The following RAPGEF2 variants were observed in gnomAD, a reference collection of about 807,000 sequenced individuals.
RAPGEF2 encodes Rap guanine nucleotide exchange factor 2.
A neutral mutation model predicts 186.7 loss-of-function variants in RAPGEF2; 54 were observed. That is an observed-to-expected ratio of 0.29 (90% CI 0.23 to 0.36). The LOEUF is 0.36. RAPGEF2 is among the 10% of genes least tolerant of loss of function. The pLI is 1.00. For missense variants in RAPGEF2, 1,532 were observed against 2,045.0 expected (o/e 0.75, Z 4.84); for synonymous variants, 712 against 705.9 (o/e 1.01, Z -0.14).
intron 1 of RAPGEF2, among the ~76,000 whole-genome samples, chr4:159,121,408 C>G (rs1739665895): frequency 6.6e-6 from 1 of 151,822 alleles, no homozygotes; most frequent in Admixed American, 6.6e-5. Flanking sequence ...TGTCTGTTGC[C>G]CAGGCTGGAG....
At position 159,314,771 on chromosome 4, in the gene RAPGEF2, A is replaced by G. The variant is rs745821625; in HGVS notation, c.853+3A>G. The G allele has an allele frequency of 6.3e-7, 1 of 1,576,198 alleles. No homozygotes were observed. Among genetic ancestry groups the G allele is most frequent in the Admixed American group, 2.0e-5 (1 of 50,356 alleles). On this transcript the variant is annotated splice_donor_region_variant and intron_variant, in intron 9 of 29. Transcript: ENST00000691494. ...TGACCGGACAGATGATGACATTGGT[A>G]AGCTTGAACAGGAAAATGAATCTAC...
intron 7 of RAPGEF2, among the ~76,000 whole-genome samples, chr4:159,280,557 A>G (rs1483300922): frequency 1.3e-5 from 2 of 152,310 alleles, no homozygotes; most frequent in South Asian, 2.1e-4. Flanking sequence ...TGCTGGCTTT[A>G]TTAGTCACAG....
intron 7 of RAPGEF2, among the ~76,000 whole-genome samples, chr4:159,274,297 A>T (rs1182209498): frequency 6.6e-6 from 1 of 152,238 alleles, no homozygotes; most frequent in African/African-American, 2.4e-5. Flanking sequence ...TTAAAAAAGT[A>T]ACATTACTGT....
At chr4:159,334,331 C>T (rs1767104212) in intron 17 of RAPGEF2, among the ~76,000 whole-genome samples, 1 of 152,142 alleles carries the variant, frequency 6.6e-6, no homozygotes, top group Non-Finnish European at 1.5e-5. Flanking sequence ...TCACTGCAAC[C>T]TTCACCTCCT....
chr4:159,158,242 A>G (rs1744335129), intron 1 of RAPGEF2, among the ~76,000 whole-genome samples: 1 of 152,122 alleles, frequency 6.6e-6, no homozygotes, highest in South Asian at 2.1e-4. Context: ...AATTCCAGGA[A>G]CTGCATGCAG....
intron 7 of RAPGEF2, among the ~76,000 whole-genome samples, chr4:159,279,021 C>G (rs1371058599): frequency 2.0e-5 from 3 of 152,142 alleles, no homozygotes; most frequent in African/African-American, 7.2e-5. Context: ...TTTCCATCCC[C>G]TACGGTTCCA....
chr4:159,264,491 G>C (rs780202450), intron 7 of RAPGEF2, among the ~76,000 whole-genome samples: 3 of 152,180 alleles, frequency 2.0e-5, no homozygotes, highest in Non-Finnish European at 4.4e-5. Flanking sequence ...TTTGGCACAT[G>C]GATATGTGTT....
At chr4:159,154,021 C>T (rs1395073066) in intron 1 of RAPGEF2, among the ~76,000 whole-genome samples, 1 of 152,140 alleles carries the variant, frequency 6.6e-6, no homozygotes, top group East Asian at 1.9e-4. Flanking sequence ...TGGTTAGATA[C>T]GGAATCTGAC....
intron 7 of RAPGEF2, among the ~76,000 whole-genome samples, chr4:159,281,962 G>A (rs1241713725): frequency 2.0e-5 from 3 of 152,168 alleles, no homozygotes; most frequent in Non-Finnish European, 2.9e-5. Context: ...TCCTATGTGG[G>A]TTGGAACCCA....
chr4:159,191,571 T>A (rs1203150549), intron 2 of RAPGEF2, among the ~76,000 whole-genome samples: 1 of 152,078 alleles, frequency 6.6e-6, no homozygotes, highest in Non-Finnish European at 1.5e-5. Context: ...AAACCCTGTC[T>A]CTACTAAAAA....
Position 159,339,159 on chromosome 4 carries a change from G to A in RAPGEF2, c.2339G>A (p.Ser780Asn), listed in dbSNP as rs1331717117. The change falls in exon 19 of 30, where the codon AGC becomes AAC. Residue 780 changes from serine (S) to asparagine (N), a missense_variant. Ser to Asn is a conservative substitution (Grantham distance 46). Transcript: ENST00000691494. ...AGGGTTTTTAAGGCTGATCAGCAAA[G>A]CCGCTACATCATGATCAGTAAGGAC... is the stretch of plus-strand genomic sequence containing the variant. ...VLRVFKADQQ[S>N]RYIMISKDTT... 1.2e-6 allele frequency: 2 copies of A among 1,614,154 alleles called. No individual in the cohort carries two copies. Among genetic ancestry groups the A allele is most frequent in the East Asian group, 2.2e-5 (1 of 44,878 alleles).
intron 5 of RAPGEF2, among the ~76,000 whole-genome samples, chr4:159,240,077 A>C (rs1043058318): frequency 6.6e-6 from 1 of 152,186 alleles, no homozygotes; most frequent in African/African-American, 2.4e-5. Flanking sequence ...AGGCAGATAT[A>C]TAGCACTTTC....
chr4:159,330,964 T>G (rs1010182465), intron 13 of RAPGEF2, among the ~76,000 whole-genome samples: 7 of 152,170 alleles, frequency 4.6e-5, no homozygotes, highest in African/African-American at 1.4e-4. Context: ...TTGAGAGCTC[T>G]AAGGCCAGAT....
At chr4:159,181,227 C>G (rs1312222218) in intron 1 of RAPGEF2, among the ~76,000 whole-genome samples, 1 of 152,142 alleles carries the variant, frequency 6.6e-6, no homozygotes, top group African/African-American at 2.4e-5. Context: ...ATTTCAAGGC[C>G]TTTTGTTCTA....
At chr4:159,210,652 A>G in intron 4 of RAPGEF2, 69 bp downstream of exon 4, 1 of 1,254,332 alleles carries the variant, frequency 8.0e-7, no homozygotes, top group Non-Finnish European at 1.1e-6. Flanking sequence ...TTCAGTTCTA[A>G]AATTCTTTTC....
intron 2 of RAPGEF2, among the ~76,000 whole-genome samples, chr4:159,189,237 G>A (rs1032915230): frequency 1.3e-5 from 2 of 152,140 alleles, no homozygotes; most frequent in African/African-American, 4.8e-5. Flanking sequence ...AGCAACATTC[G>A]TGTTCTCCTG....
At chr4:159,338,597 AAACTTT>A (rs1250040384) in intron 18 of RAPGEF2, 129 bp downstream of exon 18, 7 of 1,015,910 alleles carry the variant, frequency 6.9e-6, no homozygotes, top group African/African-American at 3.3e-5. Context: ...GATGAAACTT[AAACTTT>A]AAGATTTTTG....
At chr4:159,223,307 T>A (rs1468305782) in intron 4 of RAPGEF2, among the ~76,000 whole-genome samples, 3 of 152,200 alleles carry the variant, frequency 2.0e-5, no homozygotes, top group African/African-American at 7.2e-5. Context: ...GAACATTAAA[T>A]CACTGTTTTC....
At chr4:159,352,652 A>C (rs759415745) in intron 26 of RAPGEF2, 33 bp from the exon 27 acceptor site, 2 of 1,515,698 alleles carry the variant, frequency 1.3e-6, no homozygotes, top group South Asian at 2.2e-5. Flanking sequence ...AAACCTAGAG[A>C]GTCTAATTAA....
Sources: gnomAD v4.1 joint callset for allele counts (sites outside exome capture counted in the v4.1 genomes callset) on GRCh38, gnomAD v4.1.1 for gene constraint, MANE v1.5 for transcripts, NCBI Gene and HGNC (gene_info 2026-07-23, HGNC 2026-07-21) for gene names.